ACE: variants seen among roughly 807,000 people sequenced by gnomAD.
The protein encoded by ACE is angiotensin-converting enzyme.
A neutral mutation model predicts 162.3 loss-of-function variants in ACE; 122 were observed. The observed-to-expected ratio is 0.75, with a 90% CI of 0.65 to 0.87. ACE has a LOEUF of 0.87. Ranked by LOEUF, ACE falls within the 40% of genes least tolerant of loss-of-function variation. The probability of loss-of-function intolerance (pLI) is 0.00; values close to 1 mark genes in which losing one functional copy is unlikely to be tolerated. For synonymous variants in ACE, 796 were observed against 720.6 expected, an observed-to-expected ratio of 1.10 and a Z score of -1.68; for missense variants, 1,799 against 1,735.1, an observed-to-expected ratio of 1.04 and a Z score of -0.65.
intron 7 of ACE, 61 bp from the exon 8 acceptor site, chr17:63,482,404 GC>G (rs1386796353): frequency 6.0e-6 from 9 of 1,495,214 alleles, no homozygotes; most frequent in Non-Finnish European, 8.3e-6. Context: ...TCTGCCCTGT[GC>G]CCTGGCCCTG....
rs9911359 is a variant in ACE at position 63,479,655 on chromosome 17, C to T, written c.512-114C>T. On this transcript the variant is annotated intron_variant, in intron 3 of 24. Transcript: ENST00000290866. Reference sequence around the variant, plus strand: ...AGGTGGCCCCTGTCTCTGGGGGCACCGTGATGTTCAGGAAGCTGGTGGGAG... The same window carrying T: ...AGGTGGCCCCTGTCTCTGGGGGCACTGTGATGTTCAGGAAGCTGGTGGGAG... The T allele has an allele frequency of 4.1e-3, 5,849 of 1,431,958 alleles. 150 individuals carry two copies. The African/African-American group carries it at 0.058, about 14-fold the overall frequency. The allele number at this position is 1,431,958 out of a possible 1,614,324, so 88.7% of individuals were successfully genotyped here.
chr17:63,496,210 C>A, intron 22 of ACE, 184 bp from the exon 23 acceptor site: 1 of 819,064 alleles, frequency 1.2e-6, no homozygotes, highest in South Asian at 1.6e-5. Flanking sequence ...GAGGCTCAGA[C>A]AATGCTAAGA....
chr17:63,496,660 G>T (rs1029316737), intron 23 of ACE, 138 bp from the exon 24 acceptor site: 168 of 1,577,878 alleles, frequency 1.1e-4, no homozygotes, highest in Non-Finnish European at 1.4e-4. Flanking sequence ...AGGCCTGATT[G>T]CCATCTCCTT....
intron 19 of ACE, among the ~76,000 whole-genome samples, chr17:63,492,604 A>G (rs1360754991): frequency 6.6e-6 from 1 of 152,212 alleles, no homozygotes; most frequent in Non-Finnish European, 1.5e-5. Context: ...TGTGGCCAGG[A>G]TGCTGGGCAG....
chr17:63,491,575 T>G lies in ACE; in HGVS notation c.2912+194T>G, dbSNP rs996585219. Among the ~76,000 whole-genome samples, 1 of 152,188 alleles carries G rather than the reference T, an allele frequency of 6.6e-6. No individual in the cohort carries two copies. The highest frequency in any genetic ancestry group is 1.5e-5 in the Non-Finnish European group (1 of 68,034). On this transcript the variant is annotated intron_variant, in intron 19 of 24. Coordinates refer to ENST00000290866, the MANE Select transcript of ACE (RefSeq NM_000789.4). This position sits in a 1 kb window ranked among gnomAD's most constrained non-coding sequence, Gnocchi z 4.4. ...ACCCCATCCGCCTGATGGGGACTTC[T>G]GAAGCACGCAACAGCTCTGTCAGCC...
intron 12 of ACE, 46 bp from the exon 13 acceptor site, chr17:63,485,190 G>GA: frequency 6.2e-7 from 1 of 1,613,464 alleles, no homozygotes. Flanking sequence ...CAAACCTGGA[G>GA]AGGGGAGGCA....
intron 14 of ACE, 111 bp from the exon 15 acceptor site, chr17:63,486,875 C>A: frequency 6.8e-7 from 1 of 1,461,540 alleles, no homozygotes. Flanking sequence ...GGCAGCGCTC[C>A]CCAGCTCCCT....
chr17:63,481,782 G>C, intron 7 of ACE, 44 bp downstream of exon 7: 1 of 1,612,950 alleles, frequency 6.2e-7, no homozygotes, highest in Non-Finnish European at 8.5e-7. Flanking sequence ...CCCGGTTCTG[G>C]GGCCCGGGGA....
In ACE at chr17:63,479,638, CCT is replaced by C. The variant is rs1310129509; in HGVS notation, c.512-130_512-129del. 2.7e-5 allele frequency: 34 copies of C among 1,282,100 alleles called. No homozygotes were observed. The African/African-American group carries it at 4.8e-4, about 18-fold the overall frequency. The allele number at this position is 1,282,100 out of a possible 1,614,324, so 79.4% of individuals were successfully genotyped here. The stretch of plus-strand genomic sequence containing the variant: ...CCTCCCACCAGGCCTGTAGGTGGCC[CCT>C]GTCTCTGGGGGCACCGTGATGTTCA... On this transcript the variant is annotated intron_variant, in intron 3 of 24. Coordinates refer to ENST00000290866, the MANE Select transcript of ACE (RefSeq NM_000789.4).
chr17:63,482,450 C>T lies in ACE; in HGVS notation c.1119-16C>T, dbSNP rs767906048. On this transcript the variant is annotated splice_polypyrimidine_tract_variant and intron_variant, in intron 7 of 24. Transcript: ENST00000290866. ...GTCCATCCGTCACTCTCACCCTCGC[C>T]CTCTCTACGCCCCAGGATCAAGCAG... 38 of 1,612,660 alleles carry T rather than the reference C, an allele frequency of 2.4e-5. No individual in the cohort carries two copies. Among genetic ancestry groups the T allele is most frequent in the Admixed American group, 1.2e-4 (7 of 59,910 alleles).
At chr17:63,482,804 G>T in intron 8 of ACE, 115 bp downstream of exon 8, 1 of 1,238,452 alleles carries the variant, frequency 8.1e-7, no homozygotes, top group South Asian at 1.3e-5. Context: ...CCGGCCCCAG[G>T]TCAGGCAGGG....
chr17:63,493,843 A>G, intron 20 of ACE, 79 bp from the exon 21 acceptor site: 1 of 1,602,110 alleles, frequency 6.2e-7, no homozygotes, highest in Non-Finnish European at 8.5e-7. Flanking sequence ...CAGCACCCCC[A>G]CCCCTCCACC....
chr17:63,491,320 G>C lies in ACE; in HGVS notation c.2851G>C (p.Asp951His). The C allele has an allele frequency of 6.2e-7, 1 of 1,614,162 alleles. No homozygotes were observed. The highest frequency in any genetic ancestry group is 8.5e-7 in the Non-Finnish European group (1 of 1,180,038). Reference protein sequence around the residue: ...WNKSMLEKPTDGREVVCHASA... With the variant: ...WNKSMLEKPTHGREVVCHASA... ...CAAGTCGATGCTGGAGAAGCCAACC[G>C]ACGGGCGGGAGGTGGTCTGCCACGC... The change falls in exon 19 of 25, where the codon GAC (aspartate) becomes CAC (histidine). Residue 951 changes from aspartate to histidine, a missense_variant. Asp to His is a moderately conservative substitution (Grantham distance 81, BLOSUM62 -1). Transcript: ENST00000290866. This position sits in a 1 kb window ranked among gnomAD's most constrained non-coding sequence, Gnocchi z 4.4.
At position 63,479,758 on chromosome 17, in the gene ACE, C is replaced by T. The variant is rs1442138251; in HGVS notation, c.512-11C>T. 2 of 1,613,022 alleles carry T rather than the reference C, an allele frequency of 1.2e-6. No individual in the cohort carries two copies. The highest frequency in any genetic ancestry group is 2.2e-5 in the East Asian group (1 of 44,900). The stretch of plus-strand genomic sequence containing the variant: ...AGGCCTCCTCACCGACCCTGCCTGC[C>T]TGTGTCTCAGATCTCACCAACATCC... On this transcript the variant is annotated splice_polypyrimidine_tract_variant and intron_variant, in intron 3 of 24. Coordinates refer to ENST00000290866, the MANE Select transcript of ACE (RefSeq NM_000789.4).
rs2030560695 is a variant in ACE at position 63,493,962 on chromosome 17, G to A, written c.3177G>A (p.Lys1059=). The A allele has an allele frequency of 6.2e-7, 1 of 1,614,148 alleles. No individual in the cohort carries two copies. Among genetic ancestry groups the A allele is most frequent in the Non-Finnish European group, 8.5e-7 (1 of 1,180,036 alleles). The change falls in exon 21 of 25, where the codon AAG becomes AAA. Residue 1059 remains lysine, a synonymous_variant. Coordinates refer to ENST00000290866, the MANE Select transcript of ACE (RefSeq NM_000789.4). ...TTCTGATGAAGATGGCCCTTGACAA[G>A]ATCGCCTTTATCCCCTTCAGCTACC... The part of the protein sequence containing the change: ...INFLMKMALD[K]IAFIPFSYLV...
chr17:63,487,711 T>C (rs2030056892), intron 15 of ACE, among the ~76,000 whole-genome samples: 1 of 152,098 alleles, frequency 6.6e-6, no homozygotes, highest in Admixed American at 6.5e-5. Flanking sequence ...CGCACACAGA[T>C]ACCTCCCAGC....
chr17:63,483,731 C>G (rs769634091), intron 10 of ACE, 118 bp from the exon 11 acceptor site: 15 of 1,559,152 alleles, frequency 9.6e-6, no homozygotes, highest in Non-Finnish European at 8.8e-7. Flanking sequence ...TCTCCCTTCT[C>G]CCCCAAGATA....
chr17:63,490,743 C>T (rs2030314558), intron 17 of ACE: 3 of 597,368 alleles, frequency 5.0e-6, no homozygotes, highest in Non-Finnish European at 9.2e-6. Flanking sequence ...ACCAGCAAGG[C>T]CCCCACCTAG....
At position 63,483,902 on chromosome 17, in the gene ACE, A is replaced by T; in HGVS notation, c.1640A>T (p.Glu547Val). The change falls in exon 11 of 25, where the codon GAG becomes GTG. Residue 547 changes from glutamate to valine, a missense_variant. Physicochemically the swap from Glu to Val is moderately radical, Grantham distance 121. Coordinates refer to ENST00000290866, the MANE Select transcript of ACE (RefSeq NM_000789.4). ...QFQFHEALCK[E>V]AGYEGPLHQC... ...CAGTTCCATGAAGCCCTGTGCAAGGAGGCAGGCTATGAGGGCCCACTGCAC... is the reference window on the plus strand; with the variant it reads ...CAGTTCCATGAAGCCCTGTGCAAGGTGGCAGGCTATGAGGGCCCACTGCAC... The T allele has an allele frequency of 6.2e-7, 1 of 1,614,118 alleles. No homozygotes were observed.
Sources: allele counts gnomAD v4.1 joint callset (sites outside exome capture counted in the v4.1 genomes callset), GRCh38; gene constraint gnomAD v4.1.1; non-coding constraint Gnocchi (gnomAD v3.1); transcripts MANE v1.5; gene names NCBI Gene and HGNC (gene_info 2026-07-23, HGNC 2026-07-21).